Variants in TRHDE observed in about 807,000 individuals in gnomAD.
TRHDE encodes thyrotropin-releasing hormone-degrading ectoenzyme.
TRHDE carries 72 observed loss-of-function variants against 125.7 expected under a neutral mutation model. The ratio of observed to expected loss-of-function variants is 0.57; its 90% CI spans 0.47 to 0.70. TRHDE has a LOEUF of 0.70. Ranked by LOEUF, TRHDE falls within the 30% of genes least tolerant of loss-of-function variation. The probability of loss-of-function intolerance (pLI) is 0.00; values close to 1 mark genes in which losing one functional copy is unlikely to be tolerated. For missense variants in TRHDE, 1,110 were observed against 1,327.1 expected (o/e 0.84, Z 2.54); for synonymous variants, 509 against 509.1 (o/e 1.00, Z 0.00).
In TRHDE at chr12:72,272,763, A is replaced by G; in HGVS notation, c.120A>G (p.Ser40=). 6.5e-7 allele frequency: 1 copy of G among 1,536,638 alleles called. No individual in the cohort carries two copies. Among genetic ancestry groups the G allele is most frequent in the Non-Finnish European group, 8.7e-7 (1 of 1,143,488 alleles). The change falls in exon 1 of 19, where the codon TCA becomes TCG. Residue 40 remains serine (S), a synonymous_variant. Transcript: ENST00000261180. The surrounding 1 kb of genome is among the most constrained non-coding windows in gnomAD (Gnocchi z 6.7). ...AGGAGGGGGCCGAGAAGAGCAGCTC[A>G]CCCTTCGCAGCCGCGATGGGGGAAG... is the stretch of plus-strand genomic sequence containing the variant. ...EEEEGAEKSS[S]PFAAAMGEDD...
At chr12:72,482,587 C>T (rs1479214874) in intron 5 of TRHDE, among the ~76,000 whole-genome samples, 1 of 151,832 alleles carries the variant, frequency 6.6e-6, no homozygotes, top group African/African-American at 2.4e-5. Context: ...TGCTTCTTTC[C>T]CTAAATATCA....
chr12:72,571,772 A>G (rs1592544869), intron 10 of TRHDE, among the ~76,000 whole-genome samples: 1 of 152,186 alleles, frequency 6.6e-6, no homozygotes, highest in East Asian at 1.9e-4. Context: ...CATGAAAAGT[A>G]GCATAATGCA....
intron 6 of TRHDE, among the ~76,000 whole-genome samples, chr12:72,537,144 G>T (rs1253506151): frequency 1.3e-5 from 2 of 151,996 alleles, no homozygotes; most frequent in Non-Finnish European, 2.9e-5. Flanking sequence ...TTTCTGACCT[G>T]ATAAATAAAG....
chr12:72,334,979 A>G (rs111469235), intron 2 of TRHDE, among the ~76,000 whole-genome samples: 2 of 152,328 alleles, frequency 1.3e-5, no homozygotes, highest in African/African-American at 4.8e-5. Flanking sequence ...GGCAAATGCC[A>G]GAATGATCCC....
intron 2 of TRHDE, among the ~76,000 whole-genome samples, chr12:72,297,798 A>T (rs1392142302): frequency 6.6e-6 from 1 of 152,132 alleles, no homozygotes; most frequent in African/African-American, 2.4e-5. Context: ...AAGTAGTGGG[A>T]GTCAGGGGTT....
intron 12 of TRHDE, 66 bp downstream of exon 12, chr12:72,575,608 A>T: frequency 2.2e-6 from 3 of 1,343,728 alleles, no homozygotes; most frequent in Non-Finnish European, 3.2e-6. Flanking sequence ...ATTAAACTGC[A>T]TAATATGTAT....
intron 5 of TRHDE, among the ~76,000 whole-genome samples, chr12:72,488,423 T>C (rs1877512271): frequency 6.6e-6 from 1 of 152,070 alleles, no homozygotes; most frequent in African/African-American, 2.4e-5. Context: ...AGATGGTTAT[T>C]ACTTAATGAG....
intron 2 of TRHDE, among the ~76,000 whole-genome samples, chr12:72,327,639 AT>A (rs1187375245): frequency 2.6e-5 from 4 of 152,026 alleles, no homozygotes; most frequent in Non-Finnish European, 4.4e-5. Flanking sequence ...ATTTTAGGAG[AT>A]TTTTTTAGGA....
intron 2 of TRHDE, among the ~76,000 whole-genome samples, chr12:72,195,177 C>T (rs1350594641): frequency 6.6e-5 from 10 of 152,060 alleles, no homozygotes; most frequent in African/African-American, 1.2e-4. Context: ...ACCACTCCCA[C>T]GATTCAATTA....
intron 6 of TRHDE, 43 bp downstream of exon 6, chr12:72,499,678 A>G (rs2135935928): frequency 1.2e-6 from 2 of 1,601,904 alleles, no homozygotes; most frequent in Non-Finnish European, 1.7e-6. Flanking sequence ...TTTCATTACC[A>G]AGATAGCTAA....
intron 12 of TRHDE, among the ~76,000 whole-genome samples, chr12:72,603,764 AC>A (rs201997943): frequency 1.5e-4 from 23 of 150,870 alleles, no homozygotes; most frequent in Non-Finnish European, 2.2e-4. Context: ...AACAACAACA[AC>A]AAAAAAACAA....
At chr12:72,540,459 TTTTA>T (rs1264743950) in intron 6 of TRHDE, among the ~76,000 whole-genome samples, 1 of 151,676 alleles carries the variant, frequency 6.6e-6, no homozygotes, top group African/African-American at 2.4e-5. Context: ...GATTAATAGT[TTTTA>T]TAAACTGACA....
chr12:72,160,738 C>A (rs773141074), intron 2 of TRHDE, among the ~76,000 whole-genome samples: 20 of 151,984 alleles, frequency 1.3e-4, no homozygotes, highest in Admixed American at 7.2e-4. Flanking sequence ...GAAAAAACTT[C>A]CTCATGATTC....
intron 6 of TRHDE, among the ~76,000 whole-genome samples, chr12:72,515,602 CTGAT>C (rs1244600049): frequency 1.3e-5 from 2 of 152,108 alleles, no homozygotes; most frequent in Non-Finnish European, 2.9e-5. Context: ...TCTGTTCACT[CTGAT>C]TGGTAGTTTC....
Position 72,609,455 on chromosome 12 carries a change from A to T in TRHDE, c.2322-9436A>T, listed in dbSNP as rs527901031. ...TTATTTCCTGCTCTTTTCTTTCTTT[A>T]TTTTTTTATCTTTTATTTTAGTTTC... On this transcript the variant is annotated intron_variant, in intron 12 of 18. Coordinates refer to ENST00000261180, the MANE Select transcript of TRHDE (RefSeq NM_013381.3). Among the ~76,000 whole-genome samples the T allele has an allele frequency of 1.9e-4, 29 of 152,016 alleles. No homozygotes were observed. In the South Asian group the frequency reaches 5.6e-3, roughly 29 times the overall value.
chr12:72,540,104 CT>C (rs1869068560), intron 6 of TRHDE, among the ~76,000 whole-genome samples: 1 of 151,740 alleles, frequency 6.6e-6, no homozygotes, highest in African/African-American at 2.4e-5. Context: ...TATATGTTGG[CT>C]AAACCATGAC....
At chr12:72,148,884 T>G (rs1373130012) in intron 2 of TRHDE, among the ~76,000 whole-genome samples, 1 of 152,258 alleles carries the variant, frequency 6.6e-6, no homozygotes. Flanking sequence ...TATGTCAGTA[T>G]GATTTATAGA....
intron 2 of TRHDE, among the ~76,000 whole-genome samples, chr12:72,150,862 C>T (rs11179089): frequency 0.095 from 14,415 of 151,864 alleles, 1,331 homozygotes; most frequent in African/African-American, 0.24. Flanking sequence ...TAAACATACA[C>T]GTGCATGTGT....
intron 3 of TRHDE, among the ~76,000 whole-genome samples, chr12:72,382,231 A>G (rs1348672431): frequency 6.6e-6 from 1 of 152,104 alleles, no homozygotes; most frequent in Non-Finnish European, 1.5e-5. Flanking sequence ...AGAATTAACC[A>G]TTAATTGATG....
Sources: allele counts gnomAD v4.1 joint callset (sites outside exome capture counted in the v4.1 genomes callset), GRCh38; gene constraint gnomAD v4.1.1; non-coding constraint Gnocchi (gnomAD v3.1); transcripts MANE v1.5; gene names NCBI Gene and HGNC (gene_info 2026-07-23, HGNC 2026-07-21).